Variants in ZNF708 observed in about 807,000 individuals in gnomAD.
ZNF708 encodes ZNF15, ZNF15L1.
ZNF708 carries 44 observed loss-of-function variants against 47.0 expected under a neutral mutation model. The ratio of observed to expected loss-of-function variants is 0.94; its 90% CI spans 0.74 to 1.20. The LOEUF is 1.20. Ranked by LOEUF, ZNF708 falls within the 50% of genes most tolerant of loss-of-function variation. The pLI, the probability that ZNF708 is intolerant of heterozygous loss-of-function variation, is 0.00. For missense variants in ZNF708, 557 were observed against 656.0 expected, an observed-to-expected ratio of 0.85 and a Z score of 1.65; for synonymous variants, 184 against 218.5, an observed-to-expected ratio of 0.84 and a Z score of 1.39.
chr19:21,293,028 C>T lies in ZNF708; in HGVS notation c.*246G>A. The T allele has an allele frequency of 2.2e-6, 1 of 452,852 alleles. No homozygotes were observed. The highest frequency in any genetic ancestry group is 3.7e-5 in the Admixed American group (1 of 26,762). 28.1% of individuals were successfully genotyped at this position (452,852 alleles called of 1,614,324 possible). On this transcript the variant is annotated 3_prime_UTR_variant, in exon 4 of 4. Transcript: ENST00000356929. ...TTGTCAGAATTACTGTGATGTCTTC[C>T]AGCTTTGTAGTTTCTCTCCAGTTTA...
chr19:21,321,230 A>G (rs61445561), intron 1 of ZNF708, among the ~76,000 whole-genome samples: 21,038 of 150,296 alleles, frequency 0.14, 1,963 homozygotes, highest in Non-Finnish European at 0.21. Context: ...GTTAAATAAT[A>G]AGAACACATG....
chr19:21,298,578 T>C (rs777055625), intron 3 of ZNF708, among the ~76,000 whole-genome samples: 1 of 152,172 alleles, frequency 6.6e-6, no homozygotes, highest in Non-Finnish European at 1.5e-5. Context: ...CAAGAGACTA[T>C]ACTCAACAAT....
chr19:21,295,111 C>T (rs1036586707), intron 3 of ZNF708, among the ~76,000 whole-genome samples: 1 of 152,084 alleles, frequency 6.6e-6, no homozygotes, highest in Non-Finnish European at 1.5e-5. Flanking sequence ...GTGTCACATA[C>T]ATCTTTATTT....
intron 3 of ZNF708, among the ~76,000 whole-genome samples, chr19:21,305,809 A>G (rs967865147): frequency 2.0e-5 from 3 of 152,164 alleles, no homozygotes; most frequent in South Asian, 4.1e-4. Context: ...CCCTTGAAAA[A>G]GAACAAAGAG....
chr19:21,302,011 T>C (rs1476074041), intron 3 of ZNF708, among the ~76,000 whole-genome samples: 1 of 152,170 alleles, frequency 6.6e-6, no homozygotes, highest in African/African-American at 2.4e-5. Flanking sequence ...CTATGAATCC[T>C]ACAGTTTTAG....
intron 3 of ZNF708, among the ~76,000 whole-genome samples, chr19:21,297,865 G>C (rs1389020982): frequency 6.6e-6 from 1 of 151,890 alleles, no homozygotes; most frequent in Non-Finnish European, 1.5e-5. Flanking sequence ...GTCAAAAAGT[G>C]TCATATTTAA....
In ZNF708 at chr19:21,294,452, C is replaced by G. The variant is rs756788803; in HGVS notation, c.514G>C (p.Glu172Gln). The G allele has an allele frequency of 6.2e-7, 1 of 1,614,130 alleles. No individual in the cohort carries two copies. The highest frequency in any genetic ancestry group is 1.1e-5 in the South Asian group (1 of 91,084). ...AGCATGCAAAATGATTTGCCACATT[C>G]TTTACATTTGAAAGGATTTTTTCCA... ...HTGKNPFKCK[E>Q]CGKSFCMLSQ... is the part of the protein sequence containing the mutation. Residue 172 changes from glutamate (E) to glutamine (Q), a missense_variant, in exon 4 of 4, where the codon GAA becomes CAA. Coordinates refer to ENST00000356929, the MANE Select transcript of ZNF708 (RefSeq NM_021269.3).
chr19:21,311,000 G>A (rs1280916112), intron 1 of ZNF708, among the ~76,000 whole-genome samples: 1 of 152,106 alleles, frequency 6.6e-6, no homozygotes, highest in Non-Finnish European at 1.5e-5. Context: ...TCAAATTTTA[G>A]TCTGTAAAAT....
At chr19:21,301,782 G>A (rs1486077776) in intron 3 of ZNF708, among the ~76,000 whole-genome samples, 1 of 152,120 alleles carries the variant, frequency 6.6e-6, no homozygotes, top group Non-Finnish European at 1.5e-5. Flanking sequence ...GGGCAACAGA[G>A]TGAGACTTTG....
Position 21,294,572 on chromosome 19 carries a change from C to T in ZNF708, c.394G>A (p.Val132Met), listed in dbSNP as rs147880906. Residue 132 changes from valine to methionine, a missense_variant, in exon 4 of 4, where the codon GTG (valine) becomes ATG (methionine). Physicochemically the swap from Val to Met is conservative, Grantham distance 21. Coordinates refer to ENST00000356929, the MANE Select transcript of ZNF708 (RefSeq NM_021269.3). ...KGGHKGLNRCVTTTQSKIVQC... is the reference protein window; with the variant it reads ...KGGHKGLNRCMTTTQSKIVQC... ...ACTATTTTGCTCTGGGTAGTTGTCA[C>T]ACACCGGTTAAGTCCCTTGTGACCT... The T allele has an allele frequency of 1.5e-5, 24 of 1,613,934 alleles. No homozygotes were observed. The highest frequency in any genetic ancestry group is 1.9e-5 in the Non-Finnish European group (23 of 1,179,950).
chr19:21,320,186 T>C (rs1311122965), intron 1 of ZNF708, among the ~76,000 whole-genome samples: 1 of 151,466 alleles, frequency 6.6e-6, no homozygotes, highest in Non-Finnish European at 1.5e-5. Context: ...AAAAAAGCAG[T>C]GTAACAATTC....
At chr19:21,294,810 A>C in intron 3 of ZNF708, 71 bp from the exon 4 acceptor site, 1 of 1,394,074 alleles carries the variant, frequency 7.2e-7, no homozygotes, top group Non-Finnish European at 9.5e-7. Flanking sequence ...TCTAACTTAT[A>C]CCAACTATAT....
chr19:21,295,905 T>G (rs550379257), intron 3 of ZNF708, among the ~76,000 whole-genome samples: 1 of 152,206 alleles, frequency 6.6e-6, no homozygotes, highest in South Asian at 2.1e-4. Context: ...TTTTTCAATT[T>G]AAAATAAATT....
chr19:21,320,049 AC>A (rs1303358916), intron 1 of ZNF708, among the ~76,000 whole-genome samples: 1 of 152,088 alleles, frequency 6.6e-6, no homozygotes, highest in Admixed American at 6.6e-5. Flanking sequence ...GGTAGCGGGC[AC>A]CTGTAATCCT....
intron 1 of ZNF708, among the ~76,000 whole-genome samples, chr19:21,320,768 T>TAA (rs55662605): frequency 4.6e-4 from 51 of 111,888 alleles, no homozygotes; most frequent in African/African-American, 1.5e-3. Flanking sequence ...CTCTGGCCAT[T>TAA]AAAAAAAAAA....
intron 1 of ZNF708, among the ~76,000 whole-genome samples, chr19:21,312,218 G>A (rs2145172891): frequency 6.6e-6 from 1 of 151,960 alleles, no homozygotes; most frequent in East Asian, 1.9e-4. Flanking sequence ...TCGCTTGAAT[G>A]TGGGAGGCAG....
chr19:21,313,362 C>T (rs1237551585), intron 1 of ZNF708, among the ~76,000 whole-genome samples: 1 of 151,246 alleles, frequency 6.6e-6, no homozygotes, highest in African/African-American at 2.4e-5. Flanking sequence ...ACTCTCATAA[C>T]ATCATGCAAG....
rs1972438656 is a variant in ZNF708, at chr19:21,293,427, A to G, written c.1539T>C (p.Phe513=). 6.2e-7 allele frequency: 1 copy of G among 1,613,508 alleles called. No individual in the cohort carries two copies. Among genetic ancestry groups the G allele is most frequent in the African/African-American group, 1.3e-5 (1 of 74,874 alleles). ...PYKCKECGKA[F]NQSSTLMKHK... is the part of the protein sequence containing the mutation. ...GTTTCATAAGGGTTGAGGACTGGTT[A>G]AAAGCTTTGCCACATTCTTTACATT... Residue 513 remains phenylalanine, a synonymous_variant, in exon 4 of 4, where the codon TTT becomes TTC. Transcript: ENST00000356929.
At chr19:21,312,981 C>A (rs976016075) in intron 1 of ZNF708, among the ~76,000 whole-genome samples, 9 of 144,840 alleles carry the variant, frequency 6.2e-5, no homozygotes, top group African/African-American at 2.3e-4. Context: ...ATTAAGCAGG[C>A]GCTATGTGCT....
Sources: allele counts gnomAD v4.1 joint callset (sites outside exome capture counted in the v4.1 genomes callset), GRCh38; gene constraint gnomAD v4.1.1; transcripts MANE v1.5; gene names NCBI Gene and HGNC (gene_info 2026-07-23, HGNC 2026-07-21).